Variants in FAM193B observed in about 807,000 individuals in gnomAD.
FAM193B encodes protein FAM193B.
A neutral mutation model predicts 70.7 loss-of-function variants in FAM193B; 27 were observed. The ratio of observed to expected loss-of-function variants is 0.38; its 90% CI spans 0.28 to 0.53. The LOEUF (loss-of-function observed/expected upper bound fraction) is 0.53, where lower values mean the gene tolerates loss of function less well. Ranked by LOEUF, FAM193B falls within the 20% of genes least tolerant of loss-of-function variation. The probability of loss-of-function intolerance (pLI) is 0.81; values close to 1 mark genes in which losing one functional copy is unlikely to be tolerated. For synonymous variants in FAM193B, 448 were observed against 436.0 expected (o/e 1.03, Z -0.34); for missense variants, 1,022 against 1,072.5 (o/e 0.95, Z 0.66).
At position 177,524,993 on chromosome 5, in the gene FAM193B, G is replaced by A. The variant is rs111617498; in HGVS notation, c.1488C>T (p.Ser496=). The change falls in exon 6 of 9, where the codon AGC becomes AGT. Residue 496 remains serine (S), a synonymous_variant. Coordinates refer to ENST00000514747, the MANE Select transcript of FAM193B (RefSeq NM_001190946.3). ...IRASFSVCEL[S]MDSNGFSKEG... is the part of the protein sequence containing the mutation. ...CCTTAGAGAAGCCATTGCTGTCCAT[G>A]CTGAGCTCACACACACTGAAGCTGG... The A allele has an allele frequency of 9.6e-4, 1,464 of 1,526,520 alleles. 10 individuals carry two copies. In the African/African-American group the frequency reaches 0.017, roughly 18 times the overall value. The allele number at this position is 1,526,520 out of a possible 1,614,324, so 94.6% of individuals were successfully genotyped here. A position where few individuals can be genotyped will look rare whatever the true frequency, so the allele number is the denominator to read the frequency against.
chr5:177,547,309 G>C (rs1278088815), intron 1 of FAM193B: 2 of 1,458 alleles, frequency 1.4e-3, no homozygotes, highest in Non-Finnish European at 7.1e-3. Flanking sequence ...TTTTGAGACG[G>C]AGTTTCGCTC....
At chr5:177,521,265 C>T (rs973773661) in intron 8 of FAM193B, among the ~76,000 whole-genome samples, 6 of 152,192 alleles carry the variant, frequency 3.9e-5, no homozygotes, top group Admixed American at 1.3e-4. Context: ...CAATAGGGTT[C>T]CAGGCCCAGT....
At chr5:177,531,132 G>T in intron 5 of FAM193B, 1 of 769,458 alleles carries the variant, frequency 1.3e-6, no homozygotes, top group Non-Finnish European at 1.7e-6. Context: ...TGACCCTGAT[G>T]CCTCCCAAAC....
intron 1 of FAM193B, among the ~76,000 whole-genome samples, chr5:177,547,013 C>T (rs944332574): frequency 6.6e-6 from 1 of 152,190 alleles, no homozygotes; most frequent in African/African-American, 2.4e-5. Context: ...GGACGAGACA[C>T]ACAGTTGTGA....
intron 1 of FAM193B, among the ~76,000 whole-genome samples, chr5:177,540,780 G>C (rs762751399): frequency 1.3e-5 from 2 of 152,182 alleles, no homozygotes; most frequent in Admixed American, 6.5e-5. Flanking sequence ...TTATGCAATG[G>C]TAGTTAACTG....
chr5:177,527,254 G>A (rs1339902350), intron 5 of FAM193B, among the ~76,000 whole-genome samples: 1 of 152,210 alleles, frequency 6.6e-6, no homozygotes, highest in Non-Finnish European at 1.5e-5. Flanking sequence ...GGGATGTGGG[G>A]GTTGGGTGGG....
At chr5:177,539,206 T>G (rs1764557565) in intron 1 of FAM193B, 59 bp from the exon 2 acceptor site, 1 of 1,478,374 alleles carries the variant, frequency 6.8e-7, no homozygotes, top group East Asian at 2.5e-5. Context: ...TTCAAAATAA[T>G]AGTAACAATA....
intron 5 of FAM193B, among the ~76,000 whole-genome samples, chr5:177,527,578 C>T (rs889382531): frequency 4.6e-5 from 7 of 152,260 alleles, no homozygotes; most frequent in African/African-American, 1.7e-4. Context: ...TCTGCCTAAC[C>T]TTTCCATGCA....
At chr5:177,534,762 G>A (rs2127468048) in intron 4 of FAM193B, among the ~76,000 whole-genome samples, 1 of 152,248 alleles carries the variant, frequency 6.6e-6, no homozygotes, top group East Asian at 1.9e-4. Context: ...GGAACTAGAG[G>A]CATGCACATT....
chr5:177,536,816 C>T (rs1407892108), intron 3 of FAM193B, 71 bp from the exon 4 acceptor site: 3 of 1,511,348 alleles, frequency 2.0e-6, no homozygotes, highest in Non-Finnish European at 1.8e-6. Flanking sequence ...CACAGGCTCA[C>T]TGCCACAGCA....
intron 1 of FAM193B, among the ~76,000 whole-genome samples, chr5:177,550,853 G>A (rs770194713): frequency 1.6e-4 from 24 of 152,072 alleles, no homozygotes; most frequent in Non-Finnish European, 2.2e-4. Context: ...AAAAGGAGAC[G>A]GTGTTTCCCT....
At chr5:177,553,031 C>A (rs745457060) in intron 1 of FAM193B, 6 of 276,678 alleles carry the variant, frequency 2.2e-5, no homozygotes, top group Non-Finnish European at 3.3e-5. Flanking sequence ...CATATCAACA[C>A]AATGTTTCAT....
intron 1 of FAM193B, among the ~76,000 whole-genome samples, chr5:177,540,249 G>A (rs1233904184): frequency 1.3e-5 from 2 of 148,840 alleles, no homozygotes; most frequent in African/African-American, 5.0e-5. Context: ...GGAGCTTGCA[G>A]TGAGCCAAGA....
intron 5 of FAM193B, among the ~76,000 whole-genome samples, chr5:177,525,639 G>A (rs149084779): frequency 0.017 from 2,578 of 152,384 alleles, 32 homozygotes; most frequent in Non-Finnish European, 0.026. Flanking sequence ...CTCTGGTTGG[G>A]AGGGCATGTG....
intron 1 of FAM193B, chr5:177,547,282 A>ATTTATTTTTTTT (rs142591142): frequency 4.1e-5 from 1 of 24,688 alleles, no homozygotes; most frequent in Non-Finnish European, 8.4e-5. Context: ...AACCAAATTT[A>ATTTATTTTTTTT]TTTCTTTTTT....
chr5:177,536,839 G>T, intron 3 of FAM193B, 94 bp from the exon 4 acceptor site: 1 of 1,470,176 alleles, frequency 6.8e-7, no homozygotes. Context: ...CTGCTTCTGT[G>T]ACAAGAGGGC....
chr5:177,549,744 C>A (rs917772260), intron 1 of FAM193B, among the ~76,000 whole-genome samples: 4 of 152,202 alleles, frequency 2.6e-5, no homozygotes, highest in Non-Finnish European at 4.4e-5. Context: ...TTAGTGTCTG[C>A]ACAATAAATG....
Position 177,532,634 on chromosome 5 carries a change from C to T in FAM193B, c.1084G>A (p.Gly362Arg), listed in dbSNP as rs569180331. Residue 362 changes from glycine to arginine, a missense_variant, in exon 5 of 9, where the codon GGG (glycine) becomes AGG (arginine). Transcript: ENST00000514747. This position sits in a 1 kb window ranked among gnomAD's most constrained non-coding sequence, Gnocchi z 4.9. ...QPLPSTHRDPGCKGHKFAHSG... is the reference protein window; with the variant it reads ...QPLPSTHRDPRCKGHKFAHSG... ...TGTGCAAACTTGTGCCCCTTGCACCCGGGATCCCTGATGATGGGGAGGAAG... is the reference window on the plus strand; with the variant it reads ...TGTGCAAACTTGTGCCCCTTGCACCTGGGATCCCTGATGATGGGGAGGAAG... 2.1e-5 allele frequency: 32 copies of T among 1,539,668 alleles called. No individual in the cohort carries two copies. The East Asian group carries it at 6.2e-4, about 30-fold the overall frequency.
intron 1 of FAM193B, among the ~76,000 whole-genome samples, chr5:177,547,542 C>T (rs1474124944): frequency 6.6e-6 from 1 of 151,840 alleles, no homozygotes; most frequent in African/African-American, 2.4e-5. Flanking sequence ...TCTCGGCCTC[C>T]CAAAGTGCTG....
Sources: gnomAD v4.1 joint callset for allele counts (sites outside exome capture counted in the v4.1 genomes callset) on GRCh38, gnomAD v4.1.1 for gene constraint, Gnocchi (gnomAD v3.1) non-coding constraint, MANE v1.5 for transcripts, NCBI Gene and HGNC (gene_info 2026-07-23, HGNC 2026-07-21) for gene names.